Variants in HHAT observed in about 807,000 individuals in gnomAD.
HHAT encodes the protein protein-cysteine N-palmitoyltransferase HHAT.
A neutral mutation model predicts 70.8 loss-of-function variants in HHAT; 47 were observed. The observed-to-expected ratio is 0.66, with a 90% confidence interval of 0.53 to 0.85. The LOEUF (loss-of-function observed/expected upper bound fraction) is 0.85, where lower values mean the gene tolerates loss of function less well. Among genes scored for constraint, HHAT ranks in the 40% least tolerant of loss-of-function variants. The probability of loss-of-function intolerance (pLI) is 0.00; values close to 1 mark genes in which losing one functional copy is unlikely to be tolerated. For synonymous variants in HHAT, 228 were observed against 247.6 expected (o/e 0.92, Z 0.74); for missense variants, 609 against 604.8 (o/e 1.01, Z -0.07).
At chr1:210,332,479 A>G (rs891403934) in intron 1 of HHAT, among the ~76,000 whole-genome samples, 3 of 152,234 alleles carry the variant, frequency 2.0e-5, no homozygotes, top group Non-Finnish European at 1.5e-5. Context: ...ATTGTGCCTC[A>G]ATATCCGCTG....
chr1:210,479,893 G>A (rs185943745), intron 8 of HHAT, among the ~76,000 whole-genome samples: 64 of 152,284 alleles, frequency 4.2e-4, no homozygotes, highest in Middle Eastern at 3.4e-3. Flanking sequence ...GAGCTTTGGA[G>A]TCCAGCAGAC....
chr1:210,479,341 G>A (rs12031180), intron 8 of HHAT, among the ~76,000 whole-genome samples: 4 of 151,946 alleles, frequency 2.6e-5, no homozygotes, highest in African/African-American at 7.3e-5. Flanking sequence ...GCTGAATAGA[G>A]GAGTCCCTGC....
chr1:210,596,735 C>G (rs1051663948), intron 10 of HHAT, among the ~76,000 whole-genome samples: 1 of 152,048 alleles, frequency 6.6e-6, no homozygotes, highest in Non-Finnish European at 1.5e-5. Context: ...TTGTCTTGAA[C>G]TTCATTTAGT....
intron 7 of HHAT, among the ~76,000 whole-genome samples, chr1:210,424,814 C>T (rs1265117598): frequency 2.0e-5 from 3 of 152,006 alleles, no homozygotes; most frequent in Non-Finnish European, 2.9e-5. Flanking sequence ...TGAACATACG[C>T]GAGTGTGTCT....
At chr1:210,551,006 C>T (rs1165898729) in intron 9 of HHAT, among the ~76,000 whole-genome samples, 1 of 148,592 alleles carries the variant, frequency 6.7e-6, no homozygotes, top group Non-Finnish European at 1.5e-5. Context: ...GAGAACTTCT[C>T]CTAAAGACTG....
At chr1:210,468,823 A>G (rs559504851) in intron 8 of HHAT, among the ~76,000 whole-genome samples, 4 of 152,280 alleles carry the variant, frequency 2.6e-5, no homozygotes, top group Non-Finnish European at 5.9e-5. Context: ...GTGAGCATAA[A>G]GAAGAAAAGG....
chr1:210,618,688 C>T (rs765734819), intron 10 of HHAT, among the ~76,000 whole-genome samples: 8 of 152,178 alleles, frequency 5.3e-5, no homozygotes, highest in Non-Finnish European at 1.5e-5. Context: ...CCGACTGTGT[C>T]ATCTGCCTCC....
In HHAT at chr1:210,385,257, T is replaced by TC. The variant is rs755328952; in HGVS notation, c.160-2211_160-2210insC. ...TAAAAAGCTCATATGTTTTTCTTTTTTTTTTTTTTTCTTTTTGAGTTTGTA... is the reference window on the plus strand; with the variant it reads ...TAAAAAGCTCATATGTTTTTCTTTTTCTTTTTTTTTTCTTTTTGAGTTTGTA... On this transcript the variant is annotated intron_variant, in intron 3 of 11. Coordinates refer to ENST00000261458, the MANE Select transcript of HHAT (RefSeq NM_018194.6). Among the ~76,000 whole-genome samples, 117 of 134,746 alleles carry TC rather than the reference T, an allele frequency of 8.7e-4. 1 individual carries two copies. The South Asian group carries it at 0.014, about 16-fold the overall frequency. 88.4% of individuals were successfully genotyped at this position (134,746 alleles called of 152,430 possible).
At chr1:210,387,701 T>TA (rs1275440643) in intron 4 of HHAT, 120 bp downstream of exon 4, 1 of 687,560 alleles carries the variant, frequency 1.5e-6, no homozygotes, top group African/African-American at 1.8e-5. Flanking sequence ...GAAAAAATGA[T>TA]AAAGTTGTTA....
chr1:210,466,285 A>T lies in HHAT; in HGVS notation c.1007+1630A>T, dbSNP rs138076286. On this transcript the variant is annotated intron_variant, in intron 8 of 11. Transcript: ENST00000261458. ...AATGACATTGCAAGGAATGTTGAGT[A>T]GTTACTCTGATTTGTCCTTACTTCA... 2.3e-3 allele frequency among the ~76,000 whole-genome samples: 357 copies of T among 152,372 alleles called. 3 individuals are homozygous for T. The highest frequency in any genetic ancestry group is 8.3e-3 in the African/African-American group (345 of 41,588).
chr1:210,636,830 A>G (rs1197032050), intron 11 of HHAT, among the ~76,000 whole-genome samples: 1 of 152,220 alleles, frequency 6.6e-6, no homozygotes, highest in Non-Finnish European at 1.5e-5. Context: ...TAAATGCCTT[A>G]TTAGTGAATT....
At chr1:210,560,036 G>A (rs947708655) in intron 9 of HHAT, among the ~76,000 whole-genome samples, 4 of 152,244 alleles carry the variant, frequency 2.6e-5, no homozygotes, top group Middle Eastern at 3.4e-3. Flanking sequence ...TTTCTCCTGA[G>A]TTGGCTGCCT....
At chr1:210,455,159 C>T (rs567230816) in intron 7 of HHAT, among the ~76,000 whole-genome samples, 7 of 152,140 alleles carry the variant, frequency 4.6e-5, no homozygotes, top group Non-Finnish European at 8.8e-5. Flanking sequence ...AAAGGCTTCC[C>T]GAGATTGATG....
intron 7 of HHAT, among the ~76,000 whole-genome samples, chr1:210,424,362 T>G (rs977207813): frequency 8.5e-5 from 13 of 152,162 alleles, no homozygotes; most frequent in Non-Finnish European, 1.5e-4. Context: ...TTTTGTATAA[T>G]TGTACCCTGC....
chr1:210,540,927 G>A (rs1011872603), intron 9 of HHAT, among the ~76,000 whole-genome samples: 4 of 151,804 alleles, frequency 2.6e-5, no homozygotes, highest in Non-Finnish European at 4.4e-5. Flanking sequence ...TGCAACCTCC[G>A]CCTCCTGGGT....
intron 3 of HHAT, among the ~76,000 whole-genome samples, chr1:210,368,525 A>G (rs2089239133): frequency 6.6e-6 from 1 of 152,038 alleles, no homozygotes; most frequent in African/African-American, 2.4e-5. Flanking sequence ...TCCTGGCCTC[A>G]AGTGATCCAC....
chr1:210,620,628 G>A (rs11119552), intron 10 of HHAT, among the ~76,000 whole-genome samples: 34,725 of 152,004 alleles, frequency 0.23, 4,357 homozygotes, highest in East Asian at 0.37. Context: ...CTTGATCATC[G>A]TCTATTTTGT....
intron 7 of HHAT, among the ~76,000 whole-genome samples, chr1:210,456,632 G>A (rs2093874378): frequency 6.6e-6 from 1 of 152,200 alleles, no homozygotes; most frequent in Non-Finnish European, 1.5e-5. Flanking sequence ...ATCTCCTAGT[G>A]GATGAGTCTG....
intron 9 of HHAT, among the ~76,000 whole-genome samples, chr1:210,540,022 T>G (rs933230893): frequency 6.6e-6 from 1 of 152,196 alleles, no homozygotes; most frequent in Non-Finnish European, 1.5e-5. Context: ...AGGGATTGGA[T>G]TGCTCTGTGG....
Sources: gnomAD v4.1 joint callset for allele counts (sites outside exome capture counted in the v4.1 genomes callset) on GRCh38, gnomAD v4.1.1 for gene constraint, MANE v1.5 for transcripts, NCBI Gene and HGNC (gene_info 2026-07-23, HGNC 2026-07-21) for gene names.